Variants in KCNH1 observed in about 807,000 individuals in gnomAD.
KCNH1 encodes voltage-gated delayed rectifier potassium channel KCNH1.
In KCNH1, 27 loss-of-function variants were observed where a neutral mutation model predicts 69.2. The ratio of observed to expected loss-of-function variants is 0.39; its 90% CI spans 0.29 to 0.54. KCNH1 has a LOEUF of 0.54. KCNH1 is among the 20% of genes least tolerant of loss of function. The pLI, the probability that KCNH1 is intolerant of heterozygous loss-of-function variation, is 0.68. For missense variants in KCNH1, 798 were observed against 1,261.6 expected, an observed-to-expected ratio of 0.63 and a Z score of 5.57; for synonymous variants, 456 against 487.7, an observed-to-expected ratio of 0.93 and a Z score of 0.86.
intron 10 of KCNH1, among the ~76,000 whole-genome samples, chr1:210,773,928 G>C (rs1427665602): frequency 6.6e-6 from 1 of 152,140 alleles, no homozygotes; most frequent in Non-Finnish European, 1.5e-5. Flanking sequence ...GCAGTTTTTA[G>C]GGCTAACAGG....
At chr1:210,964,620 A>T (rs1688363549) in intron 6 of KCNH1, among the ~76,000 whole-genome samples, 1 of 152,052 alleles carries the variant, frequency 6.6e-6, no homozygotes, top group Non-Finnish European at 1.5e-5. Context: ...ATAGCCTACA[A>T]ATCAAAAAAA....
At chr1:211,052,020 T>C (rs952726121) in intron 5 of KCNH1, among the ~76,000 whole-genome samples, 7 of 152,206 alleles carry the variant, frequency 4.6e-5, no homozygotes, top group African/African-American at 9.6e-5. Context: ...CAGCTAATCA[T>C]TTATTACTTT....
intron 7 of KCNH1, among the ~76,000 whole-genome samples, chr1:210,884,552 C>T (rs893895677): frequency 1.3e-5 from 2 of 152,196 alleles, no homozygotes; most frequent in Non-Finnish European, 2.9e-5. Flanking sequence ...GACCTGACTT[C>T]AGATCCTAGA....
chr1:210,714,469 C>G (rs1450577472), intron 10 of KCNH1, among the ~76,000 whole-genome samples: 1 of 152,106 alleles, frequency 6.6e-6, no homozygotes, highest in Non-Finnish European at 1.5e-5. Flanking sequence ...AGTTGTTAAC[C>G]TAAAATTCAG....
At chr1:211,001,142 C>T (rs1302104326) in intron 6 of KCNH1, among the ~76,000 whole-genome samples, 1 of 152,124 alleles carries the variant, frequency 6.6e-6, no homozygotes, top group Non-Finnish European at 1.5e-5. Flanking sequence ...GCAATGGCAA[C>T]AAAAGACAAA....
At chr1:210,849,356 T>C (rs1685631996) in intron 7 of KCNH1, among the ~76,000 whole-genome samples, 1 of 141,784 alleles carries the variant, frequency 7.1e-6, no homozygotes, top group African/African-American at 2.7e-5. Context: ...TGTGTGCTTT[T>C]CTTTCTTTCT....
intron 6 of KCNH1, among the ~76,000 whole-genome samples, chr1:210,927,110 G>A (rs1275237684): frequency 6.6e-6 from 1 of 152,166 alleles, no homozygotes; most frequent in Non-Finnish European, 1.5e-5. Flanking sequence ...TATTCCTGGG[G>A]AAGAAGATAA....
chr1:210,879,267 A>T (rs1203172894), intron 7 of KCNH1, among the ~76,000 whole-genome samples: 1 of 152,068 alleles, frequency 6.6e-6, no homozygotes, highest in African/African-American at 2.4e-5. Context: ...TCATTCTAGG[A>T]GGCCAGGATT....
At chr1:210,961,714 C>T (rs943176293) in intron 6 of KCNH1, among the ~76,000 whole-genome samples, 1 of 152,138 alleles carries the variant, frequency 6.6e-6, no homozygotes, top group East Asian at 1.9e-4. Context: ...GTGGTGCATG[C>T]CTATAATCCC....
chr1:210,853,361 C>G (rs1685751803), intron 7 of KCNH1, among the ~76,000 whole-genome samples: 1 of 152,334 alleles, frequency 6.6e-6, no homozygotes, highest in African/African-American at 2.4e-5. Flanking sequence ...GTTTGAGATG[C>G]AGCAAAGTCC....
chr1:210,863,332 T>TA (rs1686021467), intron 7 of KCNH1, among the ~76,000 whole-genome samples: 1 of 152,174 alleles, frequency 6.6e-6, no homozygotes, highest in African/African-American at 2.4e-5. Context: ...CTCTTCATTT[T>TA]ACAAAAGACA....
At chr1:210,990,440 G>T (rs1688917544) in intron 6 of KCNH1, among the ~76,000 whole-genome samples, 2 of 152,148 alleles carry the variant, frequency 1.3e-5, no homozygotes, top group South Asian at 4.1e-4. Flanking sequence ...AGATTTGGTG[G>T]CTAGCAGGGT....
intron 1 of KCNH1, among the ~76,000 whole-genome samples, chr1:211,128,478 T>C (rs1022295875): frequency 2.0e-5 from 3 of 151,706 alleles, no homozygotes; most frequent in Non-Finnish European, 4.4e-5. Context: ...CTGGTAAAAT[T>C]ATGAGGAAAA....
chr1:210,982,157 A>G (rs1170693396), intron 6 of KCNH1, among the ~76,000 whole-genome samples: 1 of 152,048 alleles, frequency 6.6e-6, no homozygotes, highest in Middle Eastern at 3.2e-3. Context: ...AAAATTTTCA[A>G]CATCCACACA....
chr1:210,888,896 T>C (rs1309141157), intron 7 of KCNH1, among the ~76,000 whole-genome samples: 1 of 151,990 alleles, frequency 6.6e-6, no homozygotes, highest in Non-Finnish European at 1.5e-5. Flanking sequence ...AGTTCTGAAA[T>C]TGAAGCAGTA....
intron 10 of KCNH1, among the ~76,000 whole-genome samples, chr1:210,751,695 T>A (rs2149043010): frequency 6.6e-6 from 1 of 152,238 alleles, no homozygotes; most frequent in East Asian, 1.9e-4. Context: ...CCTCACTAAC[T>A]TTTGACTTGA....
At chr1:210,800,384 G>C (rs1015829424) in intron 8 of KCNH1, among the ~76,000 whole-genome samples, 1 of 152,202 alleles carries the variant, frequency 6.6e-6, no homozygotes, top group Non-Finnish European at 1.5e-5. Context: ...CTGGAACCAA[G>C]ATTTATTCTC....
chr1:210,885,108 G>A (rs952215513), intron 7 of KCNH1, among the ~76,000 whole-genome samples: 34 of 152,200 alleles, frequency 2.2e-4, no homozygotes, highest in African/African-American at 6.3e-4. Flanking sequence ...CCATAAACCC[G>A]TTATATCAGG....
At chr1:210,712,848 A>C (rs1558434960) in intron 10 of KCNH1, among the ~76,000 whole-genome samples, 1 of 152,246 alleles carries the variant, frequency 6.6e-6, no homozygotes, top group South Asian at 2.1e-4. Flanking sequence ...ATTTTAGTCT[A>C]TCAGCTCCAG....
Sources: allele counts gnomAD v4.1 joint callset (sites outside exome capture counted in the v4.1 genomes callset), GRCh38; gene constraint gnomAD v4.1.1; transcripts MANE v1.5; gene names NCBI Gene and HGNC (gene_info 2026-07-23, HGNC 2026-07-21).